The following STAMBPL1 variants were observed in gnomAD, a reference collection of about 807,000 sequenced individuals.
STAMBPL1 encodes AMSH-like protease.
A neutral mutation model predicts 52.9 loss-of-function variants in STAMBPL1; 44 were observed. That is an observed-to-expected ratio of 0.83 (90% CI 0.65 to 1.07). The LOEUF (loss-of-function observed/expected upper bound fraction) is 1.07, where lower values mean the gene tolerates loss of function less well. Ranked by LOEUF, STAMBPL1 falls within the 50% of genes least tolerant of loss-of-function variation. STAMBPL1 has a pLI of 0.00. For synonymous variants in STAMBPL1, 164 were observed against 177.3 expected (o/e 0.92, Z 0.60); for missense variants, 511 against 520.8 (o/e 0.98, Z 0.18).
intron 1 of STAMBPL1, among the ~76,000 whole-genome samples, chr10:88,883,584 G>A (rs1259957521): frequency 6.6e-6 from 1 of 152,214 alleles, no homozygotes; most frequent in Non-Finnish European, 1.5e-5. Flanking sequence ...TTAACGTCTA[G>A]TACAATCTTC....
chr10:88,902,790 C>A (rs1160885956), intron 2 of STAMBPL1, among the ~76,000 whole-genome samples: 2 of 152,134 alleles, frequency 1.3e-5, no homozygotes, highest in African/African-American at 4.8e-5. Context: ...AAGATGGTCT[C>A]CATCTCCTGA....
intron 3 of STAMBPL1, among the ~76,000 whole-genome samples, chr10:88,906,723 C>T (rs192261237): frequency 4.5e-4 from 69 of 152,270 alleles, no homozygotes; most frequent in Non-Finnish European, 8.2e-4. Flanking sequence ...CCACCTCAGC[C>T]TCCCGAGTAG....
chr10:88,905,373 C>T (rs1845045512), intron 2 of STAMBPL1, 70 bp from the exon 3 acceptor site: 1 of 1,190,572 alleles, frequency 8.4e-7, no homozygotes. Flanking sequence ...AACATATGTC[C>T]ATAATATTAG....
intron 1 of STAMBPL1, among the ~76,000 whole-genome samples, 191 bp downstream of exon 1, chr10:88,880,829 G>GGCCGCCTCCATCGGC (rs1844384733): frequency 6.6e-6 from 1 of 152,202 alleles, no homozygotes; most frequent in Admixed American, 6.5e-5. Flanking sequence ...TCATGCAATC[G>GGCCGCCTCCATCGGC]GCCGCCTCCA....
At chr10:88,884,962 C>G (rs893292433) in intron 1 of STAMBPL1, among the ~76,000 whole-genome samples, 2 of 152,174 alleles carry the variant, frequency 1.3e-5, no homozygotes, top group Non-Finnish European at 2.9e-5. Flanking sequence ...AAATAAATAG[C>G]TGTAAATGCA....
At chr10:88,910,449 G>A (rs893779341) in intron 4 of STAMBPL1, among the ~76,000 whole-genome samples, 1 of 152,178 alleles carries the variant, frequency 6.6e-6, no homozygotes, top group African/African-American at 2.4e-5. Context: ...GCTTGGGGGG[G>A]TCTGTATTTT....
At chr10:88,914,468 T>C (rs1180693998) in intron 6 of STAMBPL1, 66 bp from the exon 7 acceptor site, 3 of 1,299,544 alleles carry the variant, frequency 2.3e-6, no homozygotes, top group Non-Finnish European at 3.0e-6. Flanking sequence ...TGTTTGCCAA[T>C]AACAATTTTG....
At chr10:88,905,689 G>A in intron 3 of STAMBPL1, 29 bp downstream of exon 3, 1 of 1,540,280 alleles carries the variant, frequency 6.5e-7, no homozygotes. Context: ...TCTGAAGTGA[G>A]AAAATTGGAA....
chr10:88,891,754 A>G (rs1442585686), intron 1 of STAMBPL1, among the ~76,000 whole-genome samples: 2 of 152,184 alleles, frequency 1.3e-5, no homozygotes, highest in Non-Finnish European at 2.9e-5. Flanking sequence ...AATTGTGTAG[A>G]TAATTGTTTA....
intron 10 of STAMBPL1, 79 bp downstream of exon 10, chr10:88,922,515 C>A: frequency 7.6e-7 from 1 of 1,324,416 alleles, no homozygotes. Context: ...TAAATAGTAG[C>A]AGTCTAATAT....
chr10:88,920,833 G>A (rs1845491346), intron 8 of STAMBPL1, among the ~76,000 whole-genome samples: 3 of 152,138 alleles, frequency 2.0e-5, no homozygotes. Context: ...TGTTCATAAT[G>A]TTGTATATAT....
intron 1 of STAMBPL1, among the ~76,000 whole-genome samples, chr10:88,889,851 T>C (rs1844633659): frequency 6.6e-6 from 1 of 152,238 alleles, no homozygotes; most frequent in Non-Finnish European, 1.5e-5. Context: ...GGATCATACA[T>C]TGAATTCATT....
chr10:88,916,842 GT>G, intron 8 of STAMBPL1, 25 bp downstream of exon 8: 10 of 1,507,294 alleles, frequency 6.6e-6, no homozygotes, highest in Admixed American at 2.1e-5. Flanking sequence ...TTGGGTTTCA[GT>G]TTTTTTGTGT....
chr10:88,910,735 T>C (rs1162039097), intron 4 of STAMBPL1, among the ~76,000 whole-genome samples, 181 bp from the exon 5 acceptor site: 2 of 152,230 alleles, frequency 1.3e-5, no homozygotes, highest in Non-Finnish European at 2.9e-5. Context: ...ATAGTGTTTC[T>C]TTCCTGCTGG....
intron 3 of STAMBPL1, among the ~76,000 whole-genome samples, chr10:88,906,870 G>T (rs1845087407): frequency 6.6e-6 from 1 of 152,108 alleles, no homozygotes; most frequent in African/African-American, 2.4e-5. Context: ...CAAAGTCCTG[G>T]GATTATAGGC....
chr10:88,923,349 C>A lies in STAMBPL1; in HGVS notation c.*125C>A. ...TATTTATACATTTTAGATGACAAAG[C>A]TTGATATTTATTGCTGTTGCACATT... On this transcript the variant is annotated 3_prime_UTR_variant, in exon 11 of 11. Transcript: ENST00000371926. 7.1e-7 allele frequency: 1 copy of A among 1,400,540 alleles called. No homozygotes were observed. Among genetic ancestry groups the A allele is most frequent in the Middle Eastern group, 1.9e-4 (1 of 5,166 alleles). 86.8% of individuals were successfully genotyped at this position (1,400,540 alleles called of 1,614,324 possible).
intron 1 of STAMBPL1, among the ~76,000 whole-genome samples, chr10:88,886,533 T>A (rs992270036): frequency 2.0e-5 from 3 of 152,096 alleles, no homozygotes; most frequent in Admixed American, 6.5e-5. Context: ...CTTTTTTTTT[T>A]AAACGGCTGC....
At chr10:88,906,079 G>A (rs1845066355) in intron 3 of STAMBPL1, among the ~76,000 whole-genome samples, 1 of 152,212 alleles carries the variant, frequency 6.6e-6, no homozygotes, top group Admixed American at 6.5e-5. Flanking sequence ...TTGGTGGGTT[G>A]AGTCTAGGGG....
At chr10:88,884,513 G>A (rs1844481793) in intron 1 of STAMBPL1, among the ~76,000 whole-genome samples, 1 of 152,158 alleles carries the variant, frequency 6.6e-6, no homozygotes, top group Non-Finnish European at 1.5e-5. Flanking sequence ...GTCTGATGAT[G>A]ACAGCCTGAT....
Sources: gnomAD v4.1 joint callset for allele counts (sites outside exome capture counted in the v4.1 genomes callset) on GRCh38, gnomAD v4.1.1 for gene constraint, MANE v1.5 for transcripts, NCBI Gene and HGNC (gene_info 2026-07-23, HGNC 2026-07-21) for gene names.